The following HEXD variants were observed in gnomAD, a reference collection of about 807,000 sequenced individuals.
HEXD encodes hexosaminidase D.
A neutral mutation model predicts 54.2 loss-of-function variants in HEXD; 47 were observed. That is an observed-to-expected ratio of 0.87 (90% CI 0.69 to 1.11). The LOEUF is 1.11. Ranked by LOEUF, HEXD falls within the 50% of genes least tolerant of loss-of-function variation. The pLI is 0.00. For synonymous variants in HEXD, 293 were observed against 287.6 expected (o/e 1.02, Z -0.19); for missense variants, 576 against 649.2 (o/e 0.89, Z 1.23).
chr17:82,424,557 G>A (rs990149459), intron 3 of HEXD, 54 bp downstream of exon 3: 15 of 1,290,266 alleles, frequency 1.2e-5, no homozygotes, highest in South Asian at 4.8e-5. Context: ...GGGAAGGGGG[G>A]GTTCCGCAGG....
intron 2 of HEXD, among the ~76,000 whole-genome samples, chr17:82,421,601 A>AGGTG: frequency 2.0e-5 from 3 of 151,842 alleles, no homozygotes; most frequent in Non-Finnish European, 4.4e-5. Context: ...CAAGACGGAC[A>AGGTG]GATCACCTGA....
chr17:82,418,450 G>C lies in HEXD; in HGVS notation c.-342G>C, dbSNP rs2053127814. ...GGCGCTCGGCCGCTCCGTTGCCCTC[G>C]GGCGCCTTGGTTGCGGCCCTCCGCT... is the stretch of plus-strand genomic sequence containing the variant. On this transcript the variant is annotated 5_prime_UTR_variant, in exon 1 of 13. Transcript: ENST00000327949. The C allele has an allele frequency of 2.0e-6, 3 of 1,476,044 alleles. No individual in the cohort carries two copies. The highest frequency in any genetic ancestry group is 2.7e-6 in the Non-Finnish European group (3 of 1,119,490). 91.4% of individuals were successfully genotyped at this position (1,476,044 alleles called of 1,614,324 possible).
intron 3 of HEXD, among the ~76,000 whole-genome samples, chr17:82,424,840 G>A (rs2143418306): frequency 6.6e-6 from 1 of 152,320 alleles, no homozygotes; most frequent in Middle Eastern, 3.4e-3. Flanking sequence ...GGTTAGAGAA[G>A]GTTAGAGAAG....
chr17:82,436,827 C>A, intron 7 of HEXD, 89 bp downstream of exon 7: 1 of 1,263,496 alleles, frequency 7.9e-7, no homozygotes, highest in Non-Finnish European at 1.1e-6. Context: ...CCGGAACTGC[C>A]CAGCCTGGAG....
At chr17:82,428,777 C>A in intron 4 of HEXD, 132 bp downstream of exon 4, 1 of 720,634 alleles carries the variant, frequency 1.4e-6, no homozygotes. Flanking sequence ...CTCAGCACAA[C>A]ATGGAAAGGC....
rs141957617 is a variant in HEXD at position 82,438,310 on chromosome 17, G to A, written c.899+947G>A. ...ACATTTCAGTGTGTAGCCTATGGAA[G>A]CCTAACTCTGGTGACCTAGAAGGCA... On this transcript the variant is annotated intron_variant, in intron 8 of 12. Coordinates refer to ENST00000327949, the MANE Select transcript of HEXD (RefSeq NM_001330542.2). Among the ~76,000 whole-genome samples the A allele has an allele frequency of 5.3e-5, 8 of 152,306 alleles. No homozygotes were observed. In the East Asian group the frequency reaches 1.5e-3, roughly 29 times the overall value.
In HEXD at chr17:82,441,156, T is replaced by C. The variant is rs1302092827; in HGVS notation, c.1062-9T>C. ...TGGAGACAGCTGTTCTCAGCAGGGC[T>C]CTCCGCAGGGAGGGGGCCGGCTCCT... On this transcript the variant is annotated splice_polypyrimidine_tract_variant and intron_variant, in intron 10 of 12. Coordinates refer to ENST00000327949, the MANE Select transcript of HEXD (RefSeq NM_001330542.2). 2 of 1,613,206 alleles carry C rather than the reference T, an allele frequency of 1.2e-6. No individual in the cohort carries two copies. Among genetic ancestry groups the C allele is most frequent in the Non-Finnish European group, 8.5e-7 (1 of 1,179,968 alleles).
intron 1 of HEXD, among the ~76,000 whole-genome samples, chr17:82,419,418 C>G (rs1448782829): frequency 6.6e-6 from 1 of 152,236 alleles, no homozygotes; most frequent in Non-Finnish European, 1.5e-5. Flanking sequence ...TTAGAGGCTT[C>G]TGCCCGACTG....
chr17:82,419,835 T>A lies in HEXD; in HGVS notation c.36T>A (p.Val12=), dbSNP rs139212069. Residue 12 remains valine (V), a synonymous_variant, in exon 2 of 13, where the codon GTT becomes GTA. Transcript: ENST00000327949. ...CCACTCCATTTCAGATGAGATTAGTTCATTTAGACCTTAAAGGAGCTCCAC... is the reference window on the plus strand; with the variant it reads ...CCACTCCATTTCAGATGAGATTAGTACATTTAGACCTTAAAGGAGCTCCAC... ...SGSTPFQMRL[V]HLDLKGAPPK... is the part of the protein sequence containing the mutation. 49 of 1,612,468 alleles carry A rather than the reference T, an allele frequency of 3.0e-5. No individual in the cohort carries two copies. In the African/African-American group the frequency reaches 5.6e-4, roughly 18 times the overall value.
At chr17:82,438,695 C>T (rs2053843071) in intron 8 of HEXD, among the ~76,000 whole-genome samples, 2 of 152,250 alleles carry the variant, frequency 1.3e-5, no homozygotes, top group South Asian at 4.1e-4. Context: ...CGTGCCCTCA[C>T]CCACAAAGCT....
rs2054025064 is a variant in HEXD at position 82,442,492 on chromosome 17, C to G, written c.*108C>G. On this transcript the variant is annotated 3_prime_UTR_variant, in exon 13 of 13. Coordinates refer to ENST00000327949, the MANE Select transcript of HEXD (RefSeq NM_001330542.2). The surrounding 1 kb of genome is among the most constrained non-coding windows in gnomAD (Gnocchi z 6.8). ...GTGGGCGTCGTGCCCTCTGGCCCAG[C>G]AGTGTCTTGCCCACACTCAGTTCCT... 6.2e-7 allele frequency: 1 copy of G among 1,602,490 alleles called. No homozygotes were observed. The highest frequency in any genetic ancestry group is 8.5e-7 in the Non-Finnish European group (1 of 1,171,108).
At chr17:82,440,082 G>T in intron 9 of HEXD, 1 of 1,299,858 alleles carries the variant, frequency 7.7e-7, no homozygotes, top group South Asian at 1.2e-5. Context: ...GCCCTGGAAG[G>T]CCCCGCACCC....
chr17:82,420,997 A>AAC (rs1273218878), intron 2 of HEXD, among the ~76,000 whole-genome samples: 1 of 152,214 alleles, frequency 6.6e-6, no homozygotes, highest in Admixed American at 6.5e-5. Context: ...CAGACAGAAT[A>AAC]ACACCTGTAT....
chr17:82,431,398 T>G (rs1215322905), intron 4 of HEXD, among the ~76,000 whole-genome samples: 1 of 151,604 alleles, frequency 6.6e-6, no homozygotes, highest in African/African-American at 2.4e-5. Flanking sequence ...TGGGCTCAGG[T>G]GATCTTCCCG....
chr17:82,429,898 A>C, intron 4 of HEXD, among the ~76,000 whole-genome samples: 1 of 150,452 alleles, frequency 6.6e-6, no homozygotes, highest in Non-Finnish European at 1.5e-5. Flanking sequence ...GCAACTCCAG[A>C]CCTCCTGGGT....
chr17:82,440,950 C>G, intron 9 of HEXD, 47 bp from the exon 10 acceptor site: 1 of 1,606,272 alleles, frequency 6.2e-7, no homozygotes, highest in African/African-American at 1.3e-5. Flanking sequence ...AGCCCCCTCC[C>G]CTCCTCCAGA....
intron 8 of HEXD, among the ~76,000 whole-genome samples, chr17:82,438,508 C>A (rs1363942827): frequency 1.3e-5 from 2 of 152,204 alleles, no homozygotes; most frequent in African/African-American, 4.8e-5. Context: ...ATCACCCTGG[C>A]GCTCCCAGGC....
intron 5 of HEXD, 89 bp downstream of exon 5, chr17:82,433,911 C>T: frequency 8.3e-7 from 1 of 1,209,686 alleles, no homozygotes; most frequent in Non-Finnish European, 1.1e-6. Context: ...GGCACTGAGG[C>T]CTAGAGACAG....
chr17:82,442,596 G>A lies in HEXD; in HGVS notation c.*212G>A. 1 of 1,563,556 alleles carries A rather than the reference G, an allele frequency of 6.4e-7. No homozygotes were observed. The highest frequency in any genetic ancestry group is 8.7e-7 in the Non-Finnish European group (1 of 1,147,224). On this transcript the variant is annotated 3_prime_UTR_variant, in exon 13 of 13. Transcript: ENST00000327949. The surrounding 1 kb of genome is among the most constrained non-coding windows in gnomAD (Gnocchi z 6.8). ...CACAGGGAGACCCGCTTTGTGATCTGCATGTGTGACACTGATTCTTTGGAA... is the reference window on the plus strand; with the variant it reads ...CACAGGGAGACCCGCTTTGTGATCTACATGTGTGACACTGATTCTTTGGAA...
Sources: allele counts gnomAD v4.1 joint callset (sites outside exome capture counted in the v4.1 genomes callset), GRCh38; gene constraint gnomAD v4.1.1; non-coding constraint Gnocchi (gnomAD v3.1); transcripts MANE v1.5; gene names NCBI Gene and HGNC (gene_info 2026-07-23, HGNC 2026-07-21).